The following PNN variants were observed in gnomAD, a reference collection of about 807,000 sequenced individuals.
PNN encodes the protein pinin.
In PNN, 38 loss-of-function variants were observed where a neutral mutation model predicts 76.6. The observed-to-expected ratio is 0.50, with a 90% CI of 0.38 to 0.65. PNN has a LOEUF of 0.65. Among genes scored for constraint, PNN ranks in the 30% least tolerant of loss-of-function variants. The pLI is 0.00. For missense variants in PNN, 873 were observed against 874.1 expected (o/e 1.00, Z 0.02); for synonymous variants, 366 against 283.7 (o/e 1.29, Z -2.91).
chr14:39,175,856 G>A (rs1438601870), intron 1 of PNN: 1 of 536,986 alleles, frequency 1.9e-6, no homozygotes, highest in Non-Finnish European at 3.3e-6. Context: ...ATGTGTGGGG[G>A]CATCGAGGTG....
intron 6 of PNN, among the ~76,000 whole-genome samples, chr14:39,178,599 A>G (rs1594555274): frequency 6.9e-6 from 1 of 145,288 alleles, no homozygotes; most frequent in African/African-American, 2.5e-5. Context: ...TTTTGTAGAG[A>G]TGGGGTTTTA....
intron 3 of PNN, 27 bp downstream of exon 3, chr14:39,176,622 GCTT>G: frequency 7.3e-7 from 1 of 1,377,284 alleles, no homozygotes; most frequent in East Asian, 2.3e-5. Context: ...ATTCCTGAAG[GCTT>G]CTTTAGTTTC....
At chr14:39,180,408 A>G (rs924392087) in intron 8 of PNN, 95 bp from the exon 9 acceptor site, 3 of 1,323,064 alleles carry the variant, frequency 2.3e-6, no homozygotes, top group Admixed American at 3.2e-5. Flanking sequence ...ACAAATTCAG[A>G]TGAAGCTTAA....
intron 1 of PNN, 70 bp downstream of exon 1, chr14:39,175,462 G>A (rs1212189209): frequency 8.4e-5 from 78 of 925,066 alleles, no homozygotes; most frequent in Non-Finnish European, 1.2e-4. Context: ...TGAATTGGGG[G>A]CGGGGAGGGC....
Position 39,182,008 on chromosome 14 carries a change from C to A in PNN, c.*145C>A. ...TTGGAAAATACAGACTGTTTGTTTA[C>A]CAGACATTCTTGTACTTTTTGCATA... On this transcript the variant is annotated 3_prime_UTR_variant, in exon 9 of 9. Transcript: ENST00000216832. 4.1e-6 allele frequency: 3 copies of A among 726,090 alleles called. No homozygotes were observed. Among genetic ancestry groups the A allele is most frequent in the South Asian group, 2.5e-5 (1 of 39,396 alleles). The allele number at this position is 726,090 out of a possible 1,614,324, so 45.0% of individuals were successfully genotyped here.
At position 39,179,467 on chromosome 14, in the gene PNN, G is replaced by T. The variant is rs2053253875; in HGVS notation, c.793+5G>T. ...AGTCACAGAGAAAAATGAACGGTAAGTATGCGAAGAGGTCCATTGAATTGT... is the reference window on the plus strand; with the variant it reads ...AGTCACAGAGAAAAATGAACGGTAATTATGCGAAGAGGTCCATTGAATTGT... On this transcript the variant is annotated splice_donor_5th_base_variant and intron_variant, in intron 8 of 8. Transcript: ENST00000216832. The T allele has an allele frequency of 6.2e-7, 1 of 1,609,686 alleles. No individual in the cohort carries two copies. The highest frequency in any genetic ancestry group is 1.3e-5 in the African/African-American group (1 of 74,576).
chr14:39,182,023 CT>C lies in PNN; in HGVS notation c.*165del. 1 of 621,842 alleles carries C rather than the reference CT, an allele frequency of 1.6e-6. No individual in the cohort carries two copies. The highest frequency in any genetic ancestry group is 3.7e-5 in the Admixed American group (1 of 27,158). 38.5% of individuals were successfully genotyped at this position (621,842 alleles called of 1,614,324 possible). A position where few individuals can be genotyped will look rare whatever the true frequency, so the allele number is the denominator to read the frequency against. On this transcript the variant is annotated 3_prime_UTR_variant, in exon 9 of 9. Transcript: ENST00000216832. The stretch of plus-strand genomic sequence containing the variant: ...TGTTTGTTTACCAGACATTCTTGTA[CT>C]TTTTGCATAATTTTGTAAGAGTTAT...
intron 1 of PNN, chr14:39,175,666 C>G: frequency 2.0e-6 from 1 of 496,390 alleles, no homozygotes; most frequent in South Asian, 2.4e-5. Flanking sequence ...TGCTGATTCC[C>G]GCTCTCGGCC....
At position 39,180,523 on chromosome 14, in the gene PNN, A is replaced by G. The variant is rs546495173; in HGVS notation, c.814A>G (p.Ile272Val). The change falls in exon 9 of 9, where the codon ATC becomes GTC. Residue 272 changes from isoleucine (I) to valine (V), a missense_variant. Coordinates refer to ENST00000216832, the MANE Select transcript of PNN (RefSeq NM_002687.4). ...TTTAGCTTTATTTGAAGGTAGACGCATCGAATTTGCAGAACAAATAAATAA... is the reference window on the plus strand; with the variant it reads ...TTTAGCTTTATTTGAAGGTAGACGCGTCGAATTTGCAGAACAAATAAATAA... ...KMNALFEGRR[I>V]EFAEQINKME... is the part of the protein sequence containing the mutation. The G allele has an allele frequency of 2.3e-5, 37 of 1,590,312 alleles. No homozygotes were observed. Among genetic ancestry groups the G allele is most frequent in the South Asian group, 1.3e-4 (11 of 86,718 alleles).
chr14:39,180,435 G>C, intron 8 of PNN, 68 bp from the exon 9 acceptor site: 1 of 1,447,614 alleles, frequency 6.9e-7, no homozygotes, highest in Non-Finnish European at 9.1e-7. Context: ...TTTGTGACCA[G>C]TTATAAAATT....
In PNN at chr14:39,175,992, C is replaced by T. The variant is rs559933140; in HGVS notation, c.114-86C>T. On this transcript the variant is annotated intron_variant, in intron 1 of 8. Transcript: ENST00000216832. The stretch of plus-strand genomic sequence containing the variant: ...TTTTGGAACTTTTGTGATTTTTTCT[C>T]CTTATGATCCACATCTCTGAAAGTA... 283 of 727,562 alleles carry T rather than the reference C, an allele frequency of 3.9e-4. 1 individual carries two copies. The African/African-American group carries it at 4.3e-3, about 11-fold the overall frequency. 45.1% of individuals were successfully genotyped at this position (727,562 alleles called of 1,614,324 possible). A position where few individuals can be genotyped will look rare whatever the true frequency, so the allele number is the denominator to read the frequency against.
intron 6 of PNN, among the ~76,000 whole-genome samples, chr14:39,178,726 A>G (rs1325399936): frequency 6.8e-4 from 59 of 86,984 alleles, no homozygotes; most frequent in African/African-American, 2.8e-3. Context: ...TACATAGTGA[A>G]AAAAAAAAAA....
chr14:39,179,257 A>G lies in PNN; in HGVS notation c.654+11A>G. ...GAGCTTGCGCAGCTGGTGAGTGGTA[A>G]TTTGGAATTCTAAGATTGGTAATCC... On this transcript the variant is annotated intron_variant, in intron 7 of 8. Coordinates refer to ENST00000216832, the MANE Select transcript of PNN (RefSeq NM_002687.4). 2 of 1,610,324 alleles carry G rather than the reference A, an allele frequency of 1.2e-6. No homozygotes were observed. Among genetic ancestry groups the G allele is most frequent in the South Asian group, 1.1e-5 (1 of 90,188 alleles).
Position 39,177,456 on chromosome 14 carries a change from G to C in PNN, c.299G>C (p.Ser100Thr). The C allele has an allele frequency of 1.9e-6, 3 of 1,614,132 alleles. No homozygotes were observed. The highest frequency in any genetic ancestry group is 2.5e-6 in the Non-Finnish European group (3 of 1,179,974). Residue 100 changes from serine (S) to threonine (T), a missense_variant, in exon 4 of 9, where the codon AGC becomes ACC. Transcript: ENST00000216832. Reference protein sequence around the residue: ...RRTRRESRQESDPEDDDVKKP... With the variant: ...RRTRRESRQETDPEDDDVKKP... ...ACCAGAAGAGAATCACGCCAGGAAA[G>C]CGACCCGGAGGATGATGATGTTAAA...
chr14:39,176,870 G>C (rs2053230390), intron 3 of PNN, among the ~76,000 whole-genome samples: 1 of 152,138 alleles, frequency 6.6e-6, no homozygotes, highest in Non-Finnish European at 1.5e-5. Flanking sequence ...CATTTTTTCT[G>C]ACTTGTACTT....
At position 39,179,330 on chromosome 14, in the gene PNN, G is replaced by A; in HGVS notation, c.661G>A (p.Glu221Lys). 5 of 1,609,548 alleles carry A rather than the reference G, an allele frequency of 3.1e-6. No individual in the cohort carries two copies. Among genetic ancestry groups the A allele is most frequent in the South Asian group, 1.1e-5 (1 of 90,158 alleles). ...QKVELAQLQEEWNEHNAKIIK... is the reference protein window; with the variant it reads ...QKVELAQLQEKWNEHNAKIIK... ...CCCTTTACCTTTTCTTTAGCAAGAA[G>A]AATGGAATGAACATAATGCCAAAAT... Residue 221 changes from glutamate (E) to lysine (K), a missense_variant, in exon 8 of 9, where the codon GAA becomes AAA. Glu to Lys is a moderately conservative substitution (Grantham distance 56). Transcript: ENST00000216832.
chr14:39,176,855 A>G (rs1260543688), intron 3 of PNN, among the ~76,000 whole-genome samples: 2 of 152,226 alleles, frequency 1.3e-5, no homozygotes, highest in Non-Finnish European at 2.9e-5. Flanking sequence ...ATTGTCAATT[A>G]GTACCATTTT....
In PNN at chr14:39,181,097, A is replaced by G; in HGVS notation, c.1388A>G (p.Glu463Gly). ...GAAAAGGAGTCTGAGGAAAAAGAAG[A>G]AAAAGAATCTGAGCCCCAACCTGAG... ...DMEKESEEKE[E>G]KESEPQPEPV... Residue 463 changes from glutamate to glycine, a missense_variant, in exon 9 of 9, where the codon GAA (glutamate) becomes GGA (glycine). By Grantham distance (98) the Glu-to-Gly change is moderately conservative. Transcript: ENST00000216832. 1 of 1,613,802 alleles carries G rather than the reference A, an allele frequency of 6.2e-7. No individual in the cohort carries two copies. Among genetic ancestry groups the G allele is most frequent in the South Asian group, 1.1e-5 (1 of 91,052 alleles).
At chr14:39,180,474 T>C in intron 8 of PNN, 29 bp from the exon 9 acceptor site, 2 of 1,513,504 alleles carry the variant, frequency 1.3e-6, no homozygotes, top group Non-Finnish European at 1.8e-6. Flanking sequence ...AATCGGTAAA[T>C]TTTACACATG....
Sources: gnomAD v4.1 joint callset for allele counts (sites outside exome capture counted in the v4.1 genomes callset) on GRCh38, gnomAD v4.1.1 for gene constraint, MANE v1.5 for transcripts, NCBI Gene and HGNC (gene_info 2026-07-23, HGNC 2026-07-21) for gene names.